Variants in MTFMT observed in about 807,000 individuals in gnomAD.
MTFMT encodes mitochondrial methionyl-tRNA formyltransferase.
Under a neutral mutation model 51.8 loss-of-function variants are expected in MTFMT, and 47 were observed. The ratio of observed to expected loss-of-function variants is 0.91; its 90% CI spans 0.72 to 1.16. The LOEUF is 1.16. Among genes scored for constraint, MTFMT ranks in the 50% most tolerant of loss-of-function variants. MTFMT has a pLI of 0.00. For synonymous variants in MTFMT, 196 were observed against 176.7 expected (o/e 1.11, Z -0.87); for missense variants, 512 against 482.3 (o/e 1.06, Z -0.58).
At chr15:65,019,443 A>G (rs2086352037) in intron 5 of MTFMT, among the ~76,000 whole-genome samples, 1 of 152,212 alleles carries the variant, frequency 6.6e-6, no homozygotes, top group Admixed American at 6.5e-5. Flanking sequence ...ACTCTACTAA[A>G]AAAAACAAAA....
intron 3 of MTFMT, among the ~76,000 whole-genome samples, chr15:65,022,652 T>C (rs2086383824): frequency 1.3e-5 from 2 of 151,986 alleles, no homozygotes; most frequent in South Asian, 4.1e-4. Flanking sequence ...ATTGCAAACA[T>C]TCACAAAAAC....
intron 6 of MTFMT, among the ~76,000 whole-genome samples, chr15:65,008,519 A>G (rs1342758352): frequency 6.6e-6 from 1 of 152,132 alleles, no homozygotes; most frequent in Non-Finnish European, 1.5e-5. Context: ...AAATGCAGCT[A>G]TTTTCCCAAG....
intron 3 of MTFMT, 70 bp downstream of exon 3, chr15:65,023,602 T>G (rs1358091955): frequency 4.6e-6 from 7 of 1,510,144 alleles, no homozygotes; most frequent in Non-Finnish European, 5.5e-6. Flanking sequence ...ATTCATCCAC[T>G]GCCCCCCAAA....
chr15:65,021,795 C>A (rs2086375967), intron 3 of MTFMT, among the ~76,000 whole-genome samples, 179 bp from the exon 4 acceptor site: 1 of 152,116 alleles, frequency 6.6e-6, no homozygotes, highest in Non-Finnish European at 1.5e-5. Flanking sequence ...GCCTGGGCAA[C>A]ACAGCTAGCC....
chr15:65,007,577 G>A (rs543375261), intron 6 of MTFMT, among the ~76,000 whole-genome samples: 1 of 152,118 alleles, frequency 6.6e-6, no homozygotes, highest in Non-Finnish European at 1.5e-5. Context: ...TAGTTTTGGG[G>A]TTTTTTGTTT....
At chr15:65,025,663 T>G (rs950545297) in intron 2 of MTFMT, among the ~76,000 whole-genome samples, 1 of 152,170 alleles carries the variant, frequency 6.6e-6, no homozygotes, top group Non-Finnish European at 1.5e-5. Context: ...TGCAAGCAGC[T>G]AGAATGATGG....
chr15:65,003,005 A>G lies in MTFMT; in HGVS notation c.*57T>C, dbSNP rs943246021. ...AAAAAGTCCAGATAATTCCTTGTAAATAAGGTTTTTAATAAATTACAAATA... is the reference window on the plus strand; with the variant it reads ...AAAAAGTCCAGATAATTCCTTGTAAGTAAGGTTTTTAATAAATTACAAATA... On this transcript the variant is annotated 3_prime_UTR_variant, in exon 9 of 9. Transcript: ENST00000220058. 1 of 1,112,700 alleles carries G rather than the reference A, an allele frequency of 9.0e-7. No individual in the cohort carries two copies. The highest frequency in any genetic ancestry group is 1.2e-6 in the Non-Finnish European group (1 of 824,384). 68.9% of individuals were successfully genotyped at this position (1,112,700 alleles called of 1,614,324 possible).
chr15:65,016,663 A>G (rs2086324935), intron 5 of MTFMT, 136 bp from the exon 6 acceptor site: 3 of 415,616 alleles, frequency 7.2e-6, no homozygotes, highest in South Asian at 7.8e-5. Context: ...AATTTTCCAT[A>G]TATCAAGTAA....
intron 5 of MTFMT, among the ~76,000 whole-genome samples, chr15:65,019,122 A>T (rs2086348976): frequency 6.6e-6 from 1 of 152,212 alleles, no homozygotes; most frequent in African/African-American, 2.4e-5. Flanking sequence ...GTGCCAGAGT[A>T]TTAATTACCC....
intron 6 of MTFMT, among the ~76,000 whole-genome samples, chr15:65,011,888 G>C (rs2086270717): frequency 6.6e-6 from 1 of 151,994 alleles, no homozygotes; most frequent in East Asian, 1.9e-4. Context: ...TAGTCTGATT[G>C]CTTATGCTTC....
rs145541900 is a variant in MTFMT at position 65,004,047 on chromosome 15, G to A, written c.976-791C>T. On this transcript the variant is annotated intron_variant, in intron 8 of 8. Transcript: ENST00000220058. The stretch of plus-strand genomic sequence containing the variant: ...CTTTTTTTTTTTGAGATGGAGTTTC[G>A]CTCTTATTGCCCAGGCTGGAGTGTG... 4.0e-5 allele frequency among the ~76,000 whole-genome samples: 6 copies of A among 150,634 alleles called. No homozygotes were observed. In the East Asian group the frequency reaches 5.9e-4, roughly 15 times the overall value.
At chr15:65,022,970 T>C (rs998144927) in intron 3 of MTFMT, among the ~76,000 whole-genome samples, 2 of 152,166 alleles carry the variant, frequency 1.3e-5, no homozygotes, top group African/African-American at 4.8e-5. Flanking sequence ...ATTACAGGCG[T>C]GAGCCACCAT....
intron 3 of MTFMT, 22 bp from the exon 4 acceptor site, chr15:65,021,638 A>G (rs758341654): frequency 2.0e-6 from 3 of 1,504,560 alleles, no homozygotes; most frequent in Non-Finnish European, 2.8e-6. Flanking sequence ...TCAAAAGCAA[A>G]TAATGACAAT....
At position 65,003,095 on chromosome 15, in the gene MTFMT, T is replaced by C; in HGVS notation, c.1137A>G (p.Lys379=). 6.2e-7 allele frequency: 1 copy of C among 1,609,372 alleles called. No individual in the cohort carries two copies. The highest frequency in any genetic ancestry group is 8.5e-7 in the Non-Finnish European group (1 of 1,177,420). The change falls in exon 9 of 9, where the codon AAA becomes AAG. Residue 379 remains lysine (K), a synonymous_variant. Transcript: ENST00000220058. The part of the protein sequence containing the change: ...TLRLPTKKKQ[K]KTVAMQQCIE Reference sequence around the variant, plus strand: ...TGCATTGTTGCATAGCAACAGTTTTTTTCTGCTTCTTCTTTGTTGGAAGTC... The same window carrying C: ...TGCATTGTTGCATAGCAACAGTTTTCTTCTGCTTCTTCTTTGTTGGAAGTC...
intron 5 of MTFMT, 45 bp downstream of exon 5, chr15:65,020,152 A>T (rs148923705): frequency 1.3e-5 from 20 of 1,552,126 alleles, no homozygotes; most frequent in African/African-American, 8.2e-5. Flanking sequence ...TATCGTGACA[A>T]GCAGAACCTT....
intron 1 of MTFMT, 73 bp from the exon 2 acceptor site, chr15:65,027,113 C>T (rs2086432159): frequency 3.8e-6 from 4 of 1,054,956 alleles, no homozygotes; most frequent in East Asian, 2.6e-5. Context: ...TCACATATCG[C>T]TAAGTATGTT....
chr15:65,027,717 G>A (rs1019354938), intron 1 of MTFMT, among the ~76,000 whole-genome samples: 2 of 152,000 alleles, frequency 1.3e-5, no homozygotes, highest in Non-Finnish European at 2.9e-5. Flanking sequence ...TTGAAAAATG[G>A]GTTAAATATA....
rs182623063 is a variant in MTFMT at position 65,026,828 on chromosome 15, T to C, written c.419+3A>G. ...ACTGTATTTCCTTACAAATAAAACT[T>C]ACTAGGGAAATTTAAGAATAAGAGC... On this transcript the variant is annotated splice_donor_region_variant and intron_variant, in intron 2 of 8. Transcript: ENST00000220058. 4.2e-5 allele frequency: 68 copies of C among 1,612,426 alleles called. No individual in the cohort carries two copies. In the East Asian group the frequency reaches 1.4e-3, roughly 32 times the overall value.
rs1478467271 is a variant in MTFMT, at chr15:65,026,837, A to C, written c.413T>G (p.Phe138Cys). The C allele has an allele frequency of 6.2e-7, 1 of 1,613,134 alleles. No homozygotes were observed. The highest frequency in any genetic ancestry group is 8.5e-7 in the Non-Finnish European group (1 of 1,179,556). Reference sequence around the variant, plus strand: ...CCTTACAAATAAAACTTACTAGGGAAATTTAAGAATAAGAGCCTCATTCAA... The same window carrying C: ...CCTTACAAATAAAACTTACTAGGGACATTTAAGAATAAGAGCCTCATTCAA... ...RLLNEALILK[F>C]PYGILNVHPS... The change falls in exon 2 of 9, where the codon TTT becomes TGT. Residue 138 changes from phenylalanine to cysteine, a missense_variant. Transcript: ENST00000220058.
Sources: allele counts gnomAD v4.1 joint callset (sites outside exome capture counted in the v4.1 genomes callset), GRCh38; gene constraint gnomAD v4.1.1; transcripts MANE v1.5; gene names NCBI Gene and HGNC (gene_info 2026-07-23, HGNC 2026-07-21).